Variants in SHANK2 observed in about 807,000 individuals in gnomAD.
SHANK2 encodes SH3 and multiple ankyrin repeat domains 2.
In SHANK2, 43 loss-of-function variants were observed where a neutral mutation model predicts 133.7. That is an observed-to-expected ratio of 0.32 (90% confidence interval 0.25 to 0.41). SHANK2 has a LOEUF of 0.41. Among genes scored for constraint, SHANK2 ranks in the 10% least tolerant of loss-of-function variants. The pLI is 1.00. For missense variants in SHANK2, 1,994 were observed against 2,235.8 expected (o/e 0.89, Z 2.18); for synonymous variants, 1,017 against 952.8 (o/e 1.07, Z -1.24).
chr11:70,548,803 C>A (rs371157861), intron 17 of SHANK2, among the ~76,000 whole-genome samples: 45 of 152,280 alleles, frequency 3.0e-4, no homozygotes, highest in African/African-American at 1.0e-3. Flanking sequence ...TGGGGTACAT[C>A]CTAATCCAGT....
chr11:70,479,093 A>G lies in SHANK2; in HGVS notation c.4980-5654T>C, dbSNP rs1470333388. Among the ~76,000 whole-genome samples the G allele has an allele frequency of 7.2e-5, 11 of 152,184 alleles. No individual in the cohort carries two copies. Among genetic ancestry groups the G allele is most frequent in the African/African-American group, 2.7e-4 (11 of 41,438 alleles). On this transcript the variant is annotated intron_variant, in intron 25 of 25. Coordinates refer to ENST00000601538, the MANE Select transcript of SHANK2 (RefSeq NM_012309.5). The surrounding 1 kb of genome is among the most constrained non-coding windows in gnomAD (Gnocchi z 4.4). ...AGGCACTCCCATTCATCCTTGCCCA[A>G]CGCCCGCAAGTACCAGCCCCGATGG...
intron 10 of SHANK2, among the ~76,000 whole-genome samples, chr11:70,923,054 A>C (rs1555080961): frequency 6.6e-6 from 1 of 152,300 alleles, no homozygotes; most frequent in Middle Eastern, 3.4e-3. Context: ...CAAACCCAAA[A>C]CCCAAACAGG....
chr11:70,587,362 G>A (rs1222955106), intron 17 of SHANK2, among the ~76,000 whole-genome samples: 2 of 152,208 alleles, frequency 1.3e-5, no homozygotes, highest in Non-Finnish European at 2.9e-5. Context: ...GAGAAGCGGG[G>A]AGAGCGATCT....
At chr11:71,229,021 A>T in intron 1 of SHANK2, among the ~76,000 whole-genome samples, 1 of 152,228 alleles carries the variant, frequency 6.6e-6, no homozygotes, top group Non-Finnish European at 1.5e-5. Flanking sequence ...CAGAAAAAGC[A>T]TTTAACAAAA....
intron 4 of SHANK2, among the ~76,000 whole-genome samples, chr11:71,114,693 C>T (rs1050442831): frequency 1.3e-5 from 2 of 152,148 alleles, no homozygotes; most frequent in African/African-American, 4.8e-5. Context: ...AGAACTTCCA[C>T]TTCTGATTCT....
At position 70,526,850 on chromosome 11, in the gene SHANK2, C is replaced by T. The variant is rs1309669143; in HGVS notation, c.2062-23919G>A. Among the ~76,000 whole-genome samples the T allele has an allele frequency of 2.4e-4, 36 of 151,844 alleles. 2 individuals carry two copies. The highest frequency in any genetic ancestry group is 2.4e-3 in the Admixed American group (36 of 15,258). ...GCTGCCGACCTCTGCAGGCCTGGCCCCCTCGGAATCACATCCCGGGGGAGC... is the reference window on the plus strand; with the variant it reads ...GCTGCCGACCTCTGCAGGCCTGGCCTCCTCGGAATCACATCCCGGGGGAGC... On this transcript the variant is annotated intron_variant, in intron 17 of 25. Coordinates refer to ENST00000601538, the MANE Select transcript of SHANK2 (RefSeq NM_012309.5).
intron 4 of SHANK2, among the ~76,000 whole-genome samples, chr11:71,115,519 T>C (rs1951962255): frequency 1.3e-5 from 2 of 152,026 alleles, no homozygotes; most frequent in South Asian, 2.1e-4. Context: ...TTCATGACAA[T>C]GAAACCAGAG....
chr11:70,629,825 G>A (rs188775173), intron 17 of SHANK2, among the ~76,000 whole-genome samples: 182 of 152,242 alleles, frequency 1.2e-3, no homozygotes, highest in African/African-American at 4.1e-3. Flanking sequence ...GAAGGGCCTG[G>A]CCATCCAGAC....
At chr11:71,083,982 G>GGC (rs1555092246) in intron 8 of SHANK2, among the ~76,000 whole-genome samples, 5 of 147,250 alleles carry the variant, frequency 3.4e-5, no homozygotes, top group African/African-American at 5.3e-5. Flanking sequence ...TTTTTTTTGG[G>GGC]GGGGGGAGAC....
At chr11:70,737,043 C>T (rs1555033714) in intron 14 of SHANK2, among the ~76,000 whole-genome samples, 2 of 152,182 alleles carry the variant, frequency 1.3e-5, no homozygotes, top group African/African-American at 4.8e-5. Context: ...TACTCTCCTT[C>T]ACCCGCGGCC....
Position 70,494,518 on chromosome 11 carries a change from T to A in SHANK2, c.2309-2053A>T, listed in dbSNP as rs537830296. ...CATGTTGGCCAGGCTGGTCTCAGAC[T>A]CCTGACCTCAAGTGATGTGCCCGCC... On this transcript the variant is annotated intron_variant, in intron 21 of 25. Transcript: ENST00000601538. 7.2e-5 allele frequency among the ~76,000 whole-genome samples: 11 copies of A among 152,268 alleles called. No individual in the cohort carries two copies. In the East Asian group the frequency reaches 1.9e-3, roughly 27 times the overall value.
chr11:70,700,829 C>T (rs375631715), intron 14 of SHANK2, among the ~76,000 whole-genome samples: 3 of 152,176 alleles, frequency 2.0e-5, no homozygotes, highest in South Asian at 2.1e-4. Flanking sequence ...GGGCCCAGCA[C>T]GTGGGTAGCT....
chr11:70,857,403 G>A (rs967314941), intron 11 of SHANK2, among the ~76,000 whole-genome samples: 1 of 152,158 alleles, frequency 6.6e-6, no homozygotes, highest in Non-Finnish European at 1.5e-5. Context: ...CTAGCCACAA[G>A]CAACCTGGAG....
intron 11 of SHANK2, among the ~76,000 whole-genome samples, chr11:70,891,716 T>C (rs563721038): frequency 6.6e-6 from 1 of 152,140 alleles, no homozygotes; most frequent in South Asian, 2.1e-4. Flanking sequence ...CCTCCCTCTC[T>C]CGGTCTCCAT....
chr11:70,802,108 G>A (rs1948059431), intron 13 of SHANK2, among the ~76,000 whole-genome samples: 1 of 152,210 alleles, frequency 6.6e-6, no homozygotes, highest in South Asian at 2.1e-4. Context: ...TGAGGACCGG[G>A]AGAGGGGCAC....
chr11:71,219,389 T>C (rs1263646978), intron 2 of SHANK2, among the ~76,000 whole-genome samples: 7 of 152,176 alleles, frequency 4.6e-5, no homozygotes, highest in Non-Finnish European at 8.8e-5. Flanking sequence ...GGGATTAGCA[T>C]CTAGCATATA....
intron 8 of SHANK2, 85 bp downstream of exon 8, chr11:71,092,337 G>C: frequency 3.4e-6 from 5 of 1,456,386 alleles, no homozygotes; most frequent in Non-Finnish European, 4.7e-6. Context: ...TCTAACCTTT[G>C]GGCCACCCTG....
chr11:71,242,885 TCCAA>T (rs1954913878), intron 1 of SHANK2, among the ~76,000 whole-genome samples: 1 of 152,264 alleles, frequency 6.6e-6, no homozygotes. Context: ...AATAATGTTC[TCCAA>T]CCACAATAGA....
At chr11:70,690,811 G>C (rs1555020851) in intron 15 of SHANK2, among the ~76,000 whole-genome samples, 27 of 151,836 alleles carry the variant, frequency 1.8e-4, no homozygotes, top group Non-Finnish European at 1.5e-5. Context: ...TAGCATACTG[G>C]CAAGAACTAT....
Sources: allele counts gnomAD v4.1 joint callset (sites outside exome capture counted in the v4.1 genomes callset), GRCh38; gene constraint gnomAD v4.1.1; non-coding constraint Gnocchi (gnomAD v3.1); transcripts MANE v1.5; gene names NCBI Gene and HGNC (gene_info 2026-07-23, HGNC 2026-07-21).